Variants in HIP1 observed in about 807,000 individuals in gnomAD.
HIP1 encodes the protein huntingtin-interacting protein 1.
Under a neutral mutation model 147.6 loss-of-function variants are expected in HIP1, and 65 were observed. The observed-to-expected ratio is 0.44, with a 90% CI of 0.36 to 0.54. The LOEUF is 0.54. Among genes scored for constraint, HIP1 ranks in the 20% least tolerant of loss-of-function variants. HIP1 has a pLI of 0.00. For missense variants in HIP1, 1,061 were observed against 1,299.6 expected (o/e 0.82, Z 2.82); for synonymous variants, 479 against 504.0 (o/e 0.95, Z 0.67).
rs1390553942 is a variant in HIP1 at position 75,664,111 on chromosome 7, T to C, written c.121-64864A>G. Among the ~76,000 whole-genome samples, 2 of 138,274 alleles carry C rather than the reference T, an allele frequency of 1.4e-5. 1 individual carries two copies. Among genetic ancestry groups the C allele is most frequent in the Non-Finnish European group, 3.2e-5 (2 of 62,910 alleles). 90.7% of individuals were successfully genotyped at this position (138,274 alleles called of 152,430 possible). Reference sequence around the variant, plus strand: ...ACACACATATGTGCATACATACATGTATGCATATATGCACACACATGTGTG... The same window carrying C: ...ACACACATATGTGCATACATACATGCATGCATATATGCACACACATGTGTG... On this transcript the variant is annotated intron_variant, in intron 1 of 30. Transcript: ENST00000336926.
chr7:75,651,515 A>G (rs1468970918), intron 1 of HIP1, among the ~76,000 whole-genome samples: 2 of 151,384 alleles, frequency 1.3e-5, no homozygotes, highest in Non-Finnish European at 2.9e-5. Context: ...CACTGTAAAA[A>G]CATCCCAAGA....
chr7:75,595,087 C>A (rs1362973951), intron 2 of HIP1, among the ~76,000 whole-genome samples: 1 of 152,116 alleles, frequency 6.6e-6, no homozygotes, highest in African/African-American at 2.4e-5. Context: ...CTGGAAGATA[C>A]CATAAAGCTC....
At chr7:75,653,522 T>C (rs2117193676) in intron 1 of HIP1, among the ~76,000 whole-genome samples, 1 of 151,926 alleles carries the variant, frequency 6.6e-6, no homozygotes, top group East Asian at 1.9e-4. Context: ...GCTGTGGTAG[T>C]GCATGCCTGT....
chr7:75,704,100 A>G (rs1460456856), intron 1 of HIP1, among the ~76,000 whole-genome samples: 3 of 152,194 alleles, frequency 2.0e-5, no homozygotes, highest in Admixed American at 6.6e-5. Flanking sequence ...AAATACCTCC[A>G]TAAGTCAAGA....
chr7:75,555,264 T>A, intron 19 of HIP1, 152 bp downstream of exon 19: 1 of 683,952 alleles, frequency 1.5e-6, no homozygotes, highest in African/African-American at 1.8e-5. Flanking sequence ...CACATGTAAC[T>A]GATCTAGGAT....
chr7:75,538,203 G>A lies in HIP1; in HGVS notation c.3083C>T (p.Thr1028Ile), dbSNP rs147550707. The A allele has an allele frequency of 4.3e-6, 7 of 1,613,256 alleles. No homozygotes were observed. The African/African-American group carries it at 8.0e-5, about 18-fold the overall frequency. ...WEEGTEASPP[T>I]LQEVVTEKE The stretch of plus-strand genomic sequence containing the variant: ...TTTTTCGGTTACCACTTCTTGCAGT[G>A]TAGGTGGAGATGCCTCTGTTCCTAA... Residue 1028 changes from threonine to isoleucine, a missense_variant, in exon 31 of 31, where the codon ACA becomes ATA. Physicochemically the swap from Thr to Ile is moderately conservative, Grantham distance 89 (BLOSUM62 -1). Coordinates refer to ENST00000336926, the MANE Select transcript of HIP1 (RefSeq NM_005338.7).
chr7:75,601,936 T>TA (rs71519372), intron 1 of HIP1, among the ~76,000 whole-genome samples: 18,760 of 145,680 alleles, frequency 0.13, 1,452 homozygotes, highest in African/African-American at 0.21. Context: ...AATGAAAGGT[T>TA]AAAAAAAAAA....
intron 27 of HIP1, among the ~76,000 whole-genome samples, chr7:75,543,362 T>A (rs1423507304): frequency 6.6e-6 from 1 of 151,156 alleles, no homozygotes; most frequent in Non-Finnish European, 1.5e-5. Context: ...CAAAAAATAA[T>A]TTTTTTTTAG....
chr7:75,579,712 T>G (rs1159831162), intron 7 of HIP1, among the ~76,000 whole-genome samples: 1 of 152,058 alleles, frequency 6.6e-6, no homozygotes, highest in Non-Finnish European at 1.5e-5. Flanking sequence ...AAGAGGCCAG[T>G]AGTAGGCATT....
At chr7:75,609,255 C>T (rs1563242224) in intron 1 of HIP1, among the ~76,000 whole-genome samples, 1 of 152,142 alleles carries the variant, frequency 6.6e-6, no homozygotes, top group African/African-American at 2.4e-5. Context: ...GTGGCTGTAC[C>T]CATGAGGCAG....
intron 1 of HIP1, among the ~76,000 whole-genome samples, chr7:75,663,753 G>C (rs141175255): frequency 0.016 from 2,404 of 150,754 alleles, 33 homozygotes; most frequent in Non-Finnish European, 0.026. Flanking sequence ...AGCAGGAGAC[G>C]GGAATGGAAG....
chr7:75,632,561 C>CTTTT (rs58364410), intron 1 of HIP1, among the ~76,000 whole-genome samples: 1 of 134,262 alleles, frequency 7.4e-6, no homozygotes, highest in Non-Finnish European at 1.6e-5. Flanking sequence ...CTAATTTTTT[C>CTTTT]TTTTTTTTTT....
chr7:75,714,657 TG>T (rs1456832779), intron 1 of HIP1, among the ~76,000 whole-genome samples: 2 of 151,734 alleles, frequency 1.3e-5, no homozygotes, highest in African/African-American at 4.8e-5. Flanking sequence ...TTCACCATGT[TG>T]GCCAGGCTGG....
chr7:75,541,795 A>G, intron 29 of HIP1, 124 bp downstream of exon 29: 1 of 644,992 alleles, frequency 1.6e-6, no homozygotes, highest in Non-Finnish European at 2.8e-6. Context: ...CAAGATTTAC[A>G]TTCAGTCTTG....
intron 1 of HIP1, among the ~76,000 whole-genome samples, chr7:75,610,898 T>A (rs1478649756): frequency 6.8e-6 from 1 of 147,688 alleles, no homozygotes; most frequent in African/African-American, 2.5e-5. Context: ...TTATATAAAA[T>A]ATATATATAC....
intron 22 of HIP1, 152 bp from the exon 23 acceptor site, chr7:75,549,153 C>A: frequency 1.7e-6 from 1 of 597,456 alleles, no homozygotes; most frequent in Non-Finnish European, 3.0e-6. Context: ...TTTTGCAGAC[C>A]CCATCTTGTC....
chr7:75,604,697 AAGGG>A (rs587704645), intron 1 of HIP1, among the ~76,000 whole-genome samples: 2 of 142,328 alleles, frequency 1.4e-5, no homozygotes, highest in Admixed American at 7.0e-5. Flanking sequence ...GGAAGGAAGG[AAGGG>A]AGGGAGGGAG....
intron 1 of HIP1, among the ~76,000 whole-genome samples, chr7:75,729,290 G>A (rs1252625334): frequency 9.0e-6 from 1 of 111,098 alleles, no homozygotes; most frequent in African/African-American, 3.5e-5. Flanking sequence ...GCAACGTAGT[G>A]AGATCTTGTC....
chr7:75,546,496 A>C (rs1473679376), intron 25 of HIP1, among the ~76,000 whole-genome samples: 1 of 152,224 alleles, frequency 6.6e-6, no homozygotes, highest in Non-Finnish European at 1.5e-5. Context: ...AAGGTGTGAG[A>C]CCACGAAGTG....
Sources: gnomAD v4.1 joint callset for allele counts (sites outside exome capture counted in the v4.1 genomes callset) on GRCh38, gnomAD v4.1.1 for gene constraint, MANE v1.5 for transcripts, NCBI Gene and HGNC (gene_info 2026-07-23, HGNC 2026-07-21) for gene names.